The following DNAJC3 variants were observed in gnomAD, a reference collection of about 807,000 sequenced individuals.
The protein encoded by DNAJC3 is dnaJ homolog subfamily C member 3.
In DNAJC3, 38 loss-of-function variants were observed where a neutral mutation model predicts 68.6. The observed-to-expected ratio is 0.55, with a 90% CI of 0.43 to 0.73. DNAJC3 has a LOEUF of 0.73. DNAJC3 is among the 30% of genes least tolerant of loss of function. DNAJC3 has a pLI of 0.00. For missense variants in DNAJC3, 526 were observed against 591.9 expected (o/e 0.89, Z 1.16); for synonymous variants, 203 against 204.0 (o/e 1.00, Z 0.04).
chr13:95,715,172 G>T (rs1881096525), intron 2 of DNAJC3, among the ~76,000 whole-genome samples: 1 of 152,228 alleles, frequency 6.6e-6, no homozygotes, highest in Non-Finnish European at 1.5e-5. Context: ...GAGGCAGGAG[G>T]ATTGTTTGAG....
intron 4 of DNAJC3, among the ~76,000 whole-genome samples, chr13:95,749,645 T>C (rs1882412546): frequency 1.3e-5 from 2 of 152,152 alleles, no homozygotes; most frequent in South Asian, 4.1e-4. Context: ...AGGTGATGGA[T>C]TGGAGACATC....
intron 4 of DNAJC3, 81 bp downstream of exon 4, chr13:95,725,333 A>G: frequency 1.9e-6 from 2 of 1,034,000 alleles, no homozygotes; most frequent in Non-Finnish European, 2.7e-6. Flanking sequence ...ATGACAGTTA[A>G]TAGTAATTTT....
chr13:95,758,002 C>T (rs1297978172), intron 5 of DNAJC3, among the ~76,000 whole-genome samples: 1 of 152,032 alleles, frequency 6.6e-6, no homozygotes, highest in Non-Finnish European at 1.5e-5. Flanking sequence ...TGTGCTGTGG[C>T]ATGAGAGTTA....
intron 9 of DNAJC3, among the ~76,000 whole-genome samples, chr13:95,772,412 A>G (rs1883182407): frequency 1.3e-5 from 2 of 152,290 alleles, no homozygotes; most frequent in South Asian, 4.1e-4. Flanking sequence ...TTGCTGTCAT[A>G]GTGTACGGTG....
chr13:95,724,913 A>G (rs1277944763), intron 3 of DNAJC3, among the ~76,000 whole-genome samples: 1 of 152,148 alleles, frequency 6.6e-6, no homozygotes, highest in East Asian at 1.9e-4. Context: ...TTTGGCTATC[A>G]TTGTGAACAT....
At chr13:95,712,765 T>C (rs1196105265) in intron 2 of DNAJC3, among the ~76,000 whole-genome samples, 1 of 152,216 alleles carries the variant, frequency 6.6e-6, no homozygotes, top group Non-Finnish European at 1.5e-5. Context: ...GTTGATTCTT[T>C]AGGATTTTCC....
At chr13:95,701,700 T>G (rs764672164) in intron 1 of DNAJC3, among the ~76,000 whole-genome samples, 2 of 152,198 alleles carry the variant, frequency 1.3e-5, no homozygotes, top group Non-Finnish European at 2.9e-5. Flanking sequence ...TTTATGAAGA[T>G]AAAAAATTAT....
At chr13:95,784,557 A>G (rs7334552) in intron 9 of DNAJC3, among the ~76,000 whole-genome samples, 80,211 of 151,988 alleles carry the variant, frequency 0.53, 21,328 homozygotes, top group East Asian at 0.65. Flanking sequence ...GTCACTAGAC[A>G]CGTTCTGTCT....
At chr13:95,757,840 G>A (rs780491740) in intron 5 of DNAJC3, 44 bp downstream of exon 5, 2 of 1,478,658 alleles carry the variant, frequency 1.4e-6, no homozygotes, top group South Asian at 2.9e-5. Context: ...GACACTTATT[G>A]TAAGGCACAT....
chr13:95,717,061 T>C (rs527776130), intron 2 of DNAJC3, among the ~76,000 whole-genome samples: 8 of 152,188 alleles, frequency 5.3e-5, no homozygotes, highest in African/African-American at 1.7e-4. Context: ...TTAAGAGATG[T>C]GCGTTTATCA....
chr13:95,718,173 T>C (rs921583668), intron 2 of DNAJC3, among the ~76,000 whole-genome samples: 4 of 152,228 alleles, frequency 2.6e-5, no homozygotes, highest in Non-Finnish European at 5.9e-5. Flanking sequence ...GCAAATAATT[T>C]ACATAATGAA....
At chr13:95,788,258 G>C (rs1414137689) in intron 11 of DNAJC3, among the ~76,000 whole-genome samples, 1 of 152,236 alleles carries the variant, frequency 6.6e-6, no homozygotes, top group East Asian at 1.9e-4. Flanking sequence ...GCTACAACCT[G>C]CCTTAAGCAG....
chr13:95,791,135 CATGACCAA>C lies in DNAJC3; in HGVS notation c.*107_*114del. On this transcript the variant is annotated 3_prime_UTR_variant, in exon 12 of 12. Coordinates refer to ENST00000602402, the MANE Select transcript of DNAJC3 (RefSeq NM_006260.5). ...AAATTTCAAATCTTTTCAGTTTGTC[CATGACCAA>C]AGAGTTGCTTTAATAGGAAAAAATC... is the stretch of plus-strand genomic sequence containing the variant. 1 of 1,359,910 alleles carries C rather than the reference CATGACCAA, an allele frequency of 7.4e-7. No individual in the cohort carries two copies. The highest frequency in any genetic ancestry group is 1.0e-6 in the Non-Finnish European group (1 of 985,676). The allele number at this position is 1,359,910 out of a possible 1,614,324, so 84.2% of individuals were successfully genotyped here.
At chr13:95,725,090 TTTG>T (rs1881462387) in intron 3 of DNAJC3, 85 bp from the exon 4 acceptor site, 1 of 810,866 alleles carries the variant, frequency 1.2e-6, no homozygotes, top group Non-Finnish European at 1.8e-6. Context: ...TTATTAATAA[TTTG>T]TTTATTTAGT....
chr13:95,753,810 A>G (rs760098731), intron 4 of DNAJC3, among the ~76,000 whole-genome samples: 33 of 152,206 alleles, frequency 2.2e-4, no homozygotes, highest in Non-Finnish European at 8.8e-5. Flanking sequence ...TCTCTCAGTG[A>G]CTGCCCTACA....
chr13:95,747,585 G>A (rs1342905149), intron 4 of DNAJC3, among the ~76,000 whole-genome samples: 7 of 152,172 alleles, frequency 4.6e-5, no homozygotes, highest in African/African-American at 1.4e-4. Context: ...CCAGGAATTG[G>A]CTCTTTATGG....
chr13:95,701,862 C>T (rs1880594373), intron 1 of DNAJC3, among the ~76,000 whole-genome samples: 1 of 152,202 alleles, frequency 6.6e-6, no homozygotes, highest in Admixed American at 6.5e-5. Context: ...CCCATTATAA[C>T]ACTATAGTGT....
At chr13:95,682,092 T>TA (rs1879929754) in intron 1 of DNAJC3, among the ~76,000 whole-genome samples, 2 of 152,232 alleles carry the variant, frequency 1.3e-5, no homozygotes, top group African/African-American at 4.8e-5. Context: ...GAGTAATTTA[T>TA]AAAAAAAATT....
chr13:95,715,737 T>C (rs1881121075), intron 2 of DNAJC3, among the ~76,000 whole-genome samples: 1 of 150,822 alleles, frequency 6.6e-6, no homozygotes, highest in Non-Finnish European at 1.5e-5. Context: ...CCACCCCCCC[T>C]TGGCCTCCAA....
Sources: allele counts gnomAD v4.1 joint callset (sites outside exome capture counted in the v4.1 genomes callset), GRCh38; gene constraint gnomAD v4.1.1; transcripts MANE v1.5; gene names NCBI Gene and HGNC (gene_info 2026-07-23, HGNC 2026-07-21).